The following MARK1 variants were observed in gnomAD, a reference collection of about 807,000 sequenced individuals.
MARK1 encodes microtubule affinity regulating kinase 1, also known as serine/threonine-protein kinase MARK1.
Under a neutral mutation model 96.3 loss-of-function variants are expected in MARK1, and 40 were observed. That is an observed-to-expected ratio of 0.42 (90% CI 0.32 to 0.54). MARK1 has a LOEUF of 0.54. MARK1 is among the 20% of genes least tolerant of loss of function. The probability of loss-of-function intolerance (pLI) is 0.16; values close to 1 mark genes in which losing one functional copy is unlikely to be tolerated. For missense variants in MARK1, 719 were observed against 984.6 expected (o/e 0.73, Z 3.61); for synonymous variants, 317 against 341.2 (o/e 0.93, Z 0.78).
intron 7 of MARK1, among the ~76,000 whole-genome samples, chr1:220,617,303 G>C (rs962539164): frequency 6.6e-6 from 1 of 152,044 alleles, no homozygotes; most frequent in Non-Finnish European, 1.5e-5. Context: ...TCCCAAGCTA[G>C]TATACCATAA....
chr1:220,592,939 C>T (rs1446793872), intron 3 of MARK1, among the ~76,000 whole-genome samples: 1 of 152,104 alleles, frequency 6.6e-6, no homozygotes, highest in East Asian at 1.9e-4. Context: ...TAAGTCATTT[C>T]CTACAGCTTA....
chr1:220,662,218 GT>G lies in MARK1; in HGVS notation c.*57del. ...AAGATACATACATATATGAGGTACA[GT>G]TTTTGAATGTACTGGTAATGCCTAA... On this transcript the variant is annotated 3_prime_UTR_variant, in exon 18 of 18. Coordinates refer to ENST00000366917, the MANE Select transcript of MARK1 (RefSeq NM_018650.5). 3.7e-6 allele frequency: 5 copies of G among 1,357,636 alleles called. No homozygotes were observed. Among genetic ancestry groups the G allele is most frequent in the Non-Finnish European group, 5.1e-6 (5 of 981,682 alleles). The allele number at this position is 1,357,636 out of a possible 1,614,324, so 84.1% of individuals were successfully genotyped here.
intron 1 of MARK1, among the ~76,000 whole-genome samples, chr1:220,574,858 G>T (rs1663723795): frequency 6.6e-6 from 1 of 152,158 alleles, no homozygotes; most frequent in Non-Finnish European, 1.5e-5. Flanking sequence ...CTTGGCCAAA[G>T]GGTGGTTGTG....
chr1:220,533,793 GTTACC>G (rs1180294232), intron 1 of MARK1, among the ~76,000 whole-genome samples: 1 of 152,084 alleles, frequency 6.6e-6, no homozygotes, highest in Non-Finnish European at 1.5e-5. Flanking sequence ...GTCTTTGAAT[GTTACC>G]TTACCTCTGT....
intron 1 of MARK1, among the ~76,000 whole-genome samples, chr1:220,575,310 C>T (rs1026897522): frequency 1.3e-5 from 2 of 152,200 alleles, no homozygotes; most frequent in African/African-American, 4.8e-5. Context: ...CTTGTGTTTT[C>T]AGATAAAGGT....
chr1:220,641,526 T>C (rs1455469902), intron 13 of MARK1, among the ~76,000 whole-genome samples: 1 of 152,138 alleles, frequency 6.6e-6, no homozygotes, highest in African/African-American at 2.4e-5. Flanking sequence ...CCAGCCAGTT[T>C]ATGATATTTT....
intron 17 of MARK1, among the ~76,000 whole-genome samples, chr1:220,660,658 ATT>A (rs1669428694): frequency 6.6e-6 from 1 of 152,226 alleles, no homozygotes; most frequent in African/African-American, 2.4e-5. Flanking sequence ...CGAATAATCT[ATT>A]AACTTTGATG....
At position 220,604,756 on chromosome 1, in the gene MARK1, CTGAAG is replaced by C. The variant is rs577437213; in HGVS notation, c.495+623_495+627del. 1.8e-3 allele frequency among the ~76,000 whole-genome samples: 266 copies of C among 151,622 alleles called. 1 individual carries two copies. The highest frequency in any genetic ancestry group is 6.1e-3 in the African/African-American group (251 of 41,350). On this transcript the variant is annotated intron_variant, in intron 6 of 17. Coordinates refer to ENST00000366917, the MANE Select transcript of MARK1 (RefSeq NM_018650.5). Reference sequence around the variant, plus strand: ...AGAATTTTATTTTTAATTTTTAGAACTGAAGTGATTGAAATAAGCATACATATAAG... The same window carrying C: ...AGAATTTTATTTTTAATTTTTAGAACTGATTGAAATAAGCATACATATAAG...
chr1:220,579,335 C>A lies in MARK1; in HGVS notation c.52-19C>A, dbSNP rs779241287. Reference sequence around the variant, plus strand: ...AATATAATTTAATTAACAATGAAATCTTGTAAACTTTTTCTTAGCATACAT... The same window carrying A: ...AATATAATTTAATTAACAATGAAATATTGTAAACTTTTTCTTAGCATACAT... On this transcript the variant is annotated intron_variant, in intron 1 of 17. Coordinates refer to ENST00000366917, the MANE Select transcript of MARK1 (RefSeq NM_018650.5). 7 of 1,565,954 alleles carry A rather than the reference C, an allele frequency of 4.5e-6. No individual in the cohort carries two copies. Among genetic ancestry groups the A allele is most frequent in the Non-Finnish European group, 6.2e-6 (7 of 1,137,582 alleles).
At chr1:220,566,581 G>T (rs1420993489) in intron 1 of MARK1, among the ~76,000 whole-genome samples, 1 of 152,140 alleles carries the variant, frequency 6.6e-6, no homozygotes, top group Non-Finnish European at 1.5e-5. Flanking sequence ...CACTGTGCTT[G>T]CCAGGATCAG....
chr1:220,629,335 A>G (rs1667535969), intron 9 of MARK1, among the ~76,000 whole-genome samples: 1 of 151,082 alleles, frequency 6.6e-6, no homozygotes, highest in South Asian at 2.1e-4. Context: ...AGTATAGTAA[A>G]TTCTCTACAA....
At chr1:220,613,991 C>T (rs531584031) in intron 6 of MARK1, among the ~76,000 whole-genome samples, 10 of 151,884 alleles carry the variant, frequency 6.6e-5, no homozygotes, top group South Asian at 2.1e-4. Flanking sequence ...TTTGTTTGGT[C>T]GGTTGGTCTG....
chr1:220,533,953 C>CAT (rs775553203), intron 1 of MARK1, among the ~76,000 whole-genome samples: 122 of 151,958 alleles, frequency 8.0e-4, no homozygotes, highest in Non-Finnish European at 1.4e-3. Context: ...CTATAGTTAC[C>CAT]ATATATGTTT....
rs1669002240 is a variant in MARK1 at position 220,653,498 on chromosome 1, A to T, written c.1988+146A>T. On this transcript the variant is annotated intron_variant, in intron 16 of 17. Transcript: ENST00000366917. ...CTCTTTTACAGAGTTGGAAGAAAAA[A>T]ATCTAGGAAGACATAAAGTATTTTT... The T allele has an allele frequency of 1.1e-5, 9 of 819,324 alleles. No homozygotes were observed. In the South Asian group the frequency reaches 2.3e-4, roughly 21 times the overall value. 50.8% of individuals were successfully genotyped at this position (819,324 alleles called of 1,614,324 possible).
intron 1 of MARK1, chr1:220,572,115 A>G (rs1054298127): frequency 1.3e-5 from 2 of 152,212 alleles, no homozygotes; most frequent in African/African-American, 4.8e-5. Context: ...CTATGGAAAG[A>G]GCTTAAGGGA....
chr1:220,602,141 G>C (rs1158441865), intron 5 of MARK1, among the ~76,000 whole-genome samples: 1 of 152,174 alleles, frequency 6.6e-6, no homozygotes, highest in African/African-American at 2.4e-5. Context: ...ATGTGAATAA[G>C]AATTAAGTCA....
At chr1:220,656,595 C>T (rs1281438236) in intron 16 of MARK1, among the ~76,000 whole-genome samples, 1 of 152,160 alleles carries the variant, frequency 6.6e-6, no homozygotes, top group Non-Finnish European at 1.5e-5. Context: ...TGAAAATGTA[C>T]ATTTCACTTT....
chr1:220,545,525 C>CT (rs1359722745), intron 1 of MARK1, among the ~76,000 whole-genome samples: 3 of 147,772 alleles, frequency 2.0e-5, no homozygotes, highest in African/African-American at 5.1e-5. Flanking sequence ...CAGTCTTGGC[C>CT]TTCCGGGTTC....
intron 1 of MARK1, among the ~76,000 whole-genome samples, chr1:220,545,004 T>C (rs1480615302): frequency 6.6e-6 from 1 of 152,170 alleles, no homozygotes; most frequent in Non-Finnish European, 1.5e-5. Context: ...TAGTAGAAAG[T>C]TGCAGTTCCT....
Sources: allele counts gnomAD v4.1 joint callset (sites outside exome capture counted in the v4.1 genomes callset), GRCh38; gene constraint gnomAD v4.1.1; transcripts MANE v1.5; gene names NCBI Gene and HGNC (gene_info 2026-07-23, HGNC 2026-07-21).